The following CKM variants were observed in gnomAD, a reference collection of about 807,000 sequenced individuals.
CKM encodes creatine kinase M-type.
CKM carries 28 observed loss-of-function variants against 35.4 expected under a neutral mutation model. The observed-to-expected ratio is 0.79, with a 90% CI of 0.59 to 1.08. CKM has a LOEUF of 1.08. CKM is among the 50% of genes least tolerant of loss of function. The pLI, the probability that CKM is intolerant of heterozygous loss-of-function variation, is 0.00. For missense variants in CKM, 484 were observed against 509.8 expected, an observed-to-expected ratio of 0.95 and a Z score of 0.49; for synonymous variants, 215 against 204.4, an observed-to-expected ratio of 1.05 and a Z score of -0.44.
intron 5 of CKM, among the ~76,000 whole-genome samples, chr19:45,311,244 GT>G (rs57044547): frequency 6.9e-6 from 1 of 144,466 alleles, no homozygotes; most frequent in African/African-American, 2.6e-5. Context: ...TTTTTTGTTT[GT>G]TTTTTTTTGA....
intron 5 of CKM, among the ~76,000 whole-genome samples, chr19:45,311,548 A>G (rs1304826288): frequency 6.6e-6 from 1 of 152,170 alleles, no homozygotes; most frequent in Non-Finnish European, 1.5e-5. Context: ...TTTAACTACC[A>G]CTTCTCCGGT....
At chr19:45,314,244 GT>G (rs1971136851) in intron 4 of CKM, among the ~76,000 whole-genome samples, 1 of 152,120 alleles carries the variant, frequency 6.6e-6, no homozygotes, top group Non-Finnish European at 1.5e-5. Context: ...GCCCTGATCA[GT>G]CAGCAGCCCA....
At position 45,319,719 on chromosome 19, in the gene CKM, C is replaced by T. The variant is rs371907095; in HGVS notation, c.-6G>A. The T allele has an allele frequency of 6.8e-6, 11 of 1,613,604 alleles. No homozygotes were observed. Among genetic ancestry groups the T allele is most frequent in the East Asian group, 2.2e-5 (1 of 44,876 alleles). Reference sequence around the variant, plus strand: ...TGGGTGTTACCGAATGGCATGGTGGCGGTGTAGGAGACCTGATGGGCAGGG... The same window carrying T: ...TGGGTGTTACCGAATGGCATGGTGGTGGTGTAGGAGACCTGATGGGCAGGG... On this transcript the variant is annotated 5_prime_UTR_variant, in exon 2 of 8. Coordinates refer to ENST00000221476, the MANE Select transcript of CKM (RefSeq NM_001824.5).
chr19:45,321,453 G>T (rs1228856586), intron 1 of CKM, among the ~76,000 whole-genome samples: 1 of 152,074 alleles, frequency 6.6e-6, no homozygotes, highest in Non-Finnish European at 1.5e-5. Flanking sequence ...TTTCCCTGCT[G>T]TGTGACCCCA....
At chr19:45,315,683 C>A in intron 3 of CKM, 86 bp from the exon 4 acceptor site, 1 of 1,534,578 alleles carries the variant, frequency 6.5e-7, no homozygotes, top group Non-Finnish European at 8.8e-7. Context: ...TCCCCTCAGT[C>A]TCCCTGTTGC....
intron 5 of CKM, among the ~76,000 whole-genome samples, chr19:45,311,151 C>G (rs997025336): frequency 6.6e-6 from 1 of 150,790 alleles, no homozygotes; most frequent in African/African-American, 2.5e-5. Flanking sequence ...CTCCTGGGCA[C>G]AAGCGACCCT....
rs79402791 is a variant in CKM, at chr19:45,311,078, C to CT, written c.653+670dup. Among the ~76,000 whole-genome samples, 294 of 137,734 alleles carry CT rather than the reference C, an allele frequency of 2.1e-3. 1 individual carries two copies. The highest frequency in any genetic ancestry group is 4.3e-3 in the Admixed American group (59 of 13,678). The allele number at this position is 137,734 out of a possible 152,430, so 90.4% of individuals were successfully genotyped here. The stretch of plus-strand genomic sequence containing the variant: ...TACAGGCGTGAGCCACCGCGCCTGG[C>CT]TTTTTTTTTTTTTAATTTTTGTAGC... On this transcript the variant is annotated intron_variant, in intron 5 of 7. Coordinates refer to ENST00000221476, the MANE Select transcript of CKM (RefSeq NM_001824.5).
intron 5 of CKM, 102 bp downstream of exon 5, chr19:45,311,647 T>C: frequency 1.0e-6 from 1 of 953,640 alleles, no homozygotes. Flanking sequence ...AAGATCATAA[T>C]TACGTATATG....
chr19:45,315,517 G>C lies in CKM; in HGVS notation c.429C>G (p.Pro143=), dbSNP rs772928825. Residue 143 remains proline (P), a synonymous_variant, in exon 4 of 8, where the codon CCC becomes CCG. Transcript: ENST00000221476. The part of the protein sequence containing the change: ...TGRSIKGYTL[P]PHCSRGERRA... The stretch of plus-strand genomic sequence containing the variant: ...GGCGCTCGCCACGGGAGCAGTGTGG[G>C]GGCAACGTGTAGCCCTTGATGCTGC... 6.2e-7 allele frequency: 1 copy of C among 1,601,172 alleles called. No individual in the cohort carries two copies. The highest frequency in any genetic ancestry group is 8.5e-7 in the Non-Finnish European group (1 of 1,179,930).
Position 45,307,450 on chromosome 19 carries a change from G to A in CKM, c.967+11C>T. 6.2e-7 allele frequency: 1 copy of A among 1,613,112 alleles called. No individual in the cohort carries two copies. Among genetic ancestry groups the A allele is most frequent in the South Asian group, 1.1e-5 (1 of 90,926 alleles). On this transcript the variant is annotated intron_variant, in intron 7 of 7. Coordinates refer to ENST00000221476, the MANE Select transcript of CKM (RefSeq NM_001824.5). Reference sequence around the variant, plus strand: ...CCCTCCGTCGTGGTGCAAAGGATGTGGGAGCCGTACCTGTACCCCTCTTCT... The same window carrying A: ...CCCTCCGTCGTGGTGCAAAGGATGTAGGAGCCGTACCTGTACCCCTCTTCT...
At chr19:45,316,475 CT>C (rs908051079) in intron 3 of CKM, among the ~76,000 whole-genome samples, 58 of 147,592 alleles carry the variant, frequency 3.9e-4, no homozygotes, top group African/African-American at 7.7e-4. Flanking sequence ...AATTTTTAGG[CT>C]TTTTTTTTTC....
intron 3 of CKM, 104 bp from the exon 4 acceptor site, chr19:45,315,701 G>T: frequency 6.8e-7 from 1 of 1,460,346 alleles, no homozygotes; most frequent in Non-Finnish European, 9.3e-7. Context: ...TGCTTCCTTT[G>T]CCTTCTGCAT....
rs1430523410 is a variant in CKM at position 45,307,532 on chromosome 19, A to T, written c.896T>A (p.Leu299Gln). The change falls in exon 7 of 8, where the codon CTG (leucine) becomes CAG (glutamine). Residue 299 changes from leucine (L) to glutamine (Q), a missense_variant. Physicochemically the swap from Leu to Gln is moderately radical, Grantham distance 113 (BLOSUM62 -2). Transcript: ENST00000221476. ...CTTGGGGTGCTTGCTCAGGTGCGCC[A>T]GCTTCACATGCACGCCTCCACGCAG... ...TGLRGGVHVK[L>Q]AHLSKHPKFE... is the part of the protein sequence containing the mutation. 1 of 1,614,004 alleles carries T rather than the reference A, an allele frequency of 6.2e-7. No homozygotes were observed.
rs752272939 is a variant in CKM at position 45,317,994 on chromosome 19, G to A, written c.194-15C>T. 1 of 1,613,296 alleles carries A rather than the reference G, an allele frequency of 6.2e-7. No homozygotes were observed. Among genetic ancestry groups the A allele is most frequent in the Non-Finnish European group, 8.5e-7 (1 of 1,179,606 alleles). On this transcript the variant is annotated splice_polypyrimidine_tract_variant and intron_variant, in intron 2 of 7. Coordinates refer to ENST00000221476, the MANE Select transcript of CKM (RefSeq NM_001824.5). Reference sequence around the variant, plus strand: ...GAAGGGGTGACCTGGAGGGGTGGGGGTGAGGTCAGAGCTGCTTGTCCCCAG... The same window carrying A: ...GAAGGGGTGACCTGGAGGGGTGGGGATGAGGTCAGAGCTGCTTGTCCCCAG...
chr19:45,307,714 T>G, intron 6 of CKM, 64 bp from the exon 7 acceptor site: 1 of 1,391,656 alleles, frequency 7.2e-7, no homozygotes, highest in Non-Finnish European at 1.0e-6. Context: ...ACCCGCAACA[T>G]GGACAGGGTC....
chr19:45,308,282 T>C (rs1971074160), intron 6 of CKM, 127 bp downstream of exon 6: 1 of 1,159,054 alleles, frequency 8.6e-7, no homozygotes, highest in East Asian at 2.6e-5. Context: ...TGGAGCCAGG[T>C]CCGGGGGGCA....
chr19:45,313,017 A>C (rs527953385), intron 4 of CKM, among the ~76,000 whole-genome samples: 3 of 152,084 alleles, frequency 2.0e-5, no homozygotes, highest in African/African-American at 7.2e-5. Flanking sequence ...ATATGTGTAT[A>C]ATGAATTTGT....
intron 1 of CKM, among the ~76,000 whole-genome samples, chr19:45,320,901 A>T (rs76347652): frequency 7.4e-6 from 1 of 135,734 alleles, no homozygotes. Context: ...TATTATTATT[A>T]TTATTATTAT....
Position 45,307,597 on chromosome 19 carries a change from C to G in CKM, c.831G>C (p.Leu277=). Residue 277 remains leucine (L), a synonymous_variant, in exon 7 of 8, where the codon CTG becomes CTC. Coordinates refer to ENST00000221476, the MANE Select transcript of CKM (RefSeq NM_001824.5). ...AGHPFMWNQH[L]GYVLTCPSNL... ...TGGATGGGCAGGTGAGCACGTAGCCCAGGTGCTGGTTCCACATGAAGGGGT... is the reference window on the plus strand; with the variant it reads ...TGGATGGGCAGGTGAGCACGTAGCCGAGGTGCTGGTTCCACATGAAGGGGT... 1 of 1,614,134 alleles carries G rather than the reference C, an allele frequency of 6.2e-7. No individual in the cohort carries two copies. Among genetic ancestry groups the G allele is most frequent in the Non-Finnish European group, 8.5e-7 (1 of 1,180,022 alleles).
Sources: gnomAD v4.1 joint callset for allele counts (sites outside exome capture counted in the v4.1 genomes callset) on GRCh38, gnomAD v4.1.1 for gene constraint, MANE v1.5 for transcripts, NCBI Gene and HGNC (gene_info 2026-07-23, HGNC 2026-07-21) for gene names.